SVOP: variants seen among roughly 807,000 people sequenced by gnomAD.
SVOP encodes the protein SV2 related protein, also known as synaptic vesicle 2-related protein.
A neutral mutation model predicts 69.1 loss-of-function variants in SVOP; 17 were observed. That is an observed-to-expected ratio of 0.25 (90% confidence interval 0.17 to 0.37). The LOEUF (loss-of-function observed/expected upper bound fraction) is 0.37, where lower values mean the gene tolerates loss of function less well. Ranked by LOEUF, SVOP falls within the 10% of genes least tolerant of loss-of-function variation. The pLI, the probability that SVOP is intolerant of heterozygous loss-of-function variation, is 1.00. For synonymous variants in SVOP, 238 were observed against 238.6 expected (o/e 1.00, Z 0.02); for missense variants, 435 against 597.5 (o/e 0.73, Z 2.84).
intron 1 of SVOP, among the ~76,000 whole-genome samples, chr12:108,993,051 G>C (rs912981347): frequency 6.6e-6 from 1 of 151,832 alleles, no homozygotes; most frequent in Non-Finnish European, 1.5e-5. Context: ...TTATTTTTTT[G>C]AGACGGAGTC....
chr12:108,980,954 T>G (rs1211517155), intron 2 of SVOP, among the ~76,000 whole-genome samples: 1 of 152,140 alleles, frequency 6.6e-6, no homozygotes, highest in Non-Finnish European at 1.5e-5. Flanking sequence ...AGGAGGATGC[T>G]GGGTGGCCCC....
chr12:108,982,656 T>C (rs955125703), intron 2 of SVOP, among the ~76,000 whole-genome samples: 5 of 150,320 alleles, frequency 3.3e-5, no homozygotes, highest in Non-Finnish European at 7.4e-5. Context: ...ATCACCATCA[T>C]CATGATCACC....
Position 108,925,619 on chromosome 12 carries a change from T to C in SVOP, c.1049-2822A>G, listed in dbSNP as rs138944514. Among the ~76,000 whole-genome samples the C allele has an allele frequency of 9.8e-5, 15 of 152,340 alleles. No individual in the cohort carries two copies. In the East Asian group the frequency reaches 2.9e-3, roughly 29 times the overall value. ...AGTCCTTCAAAAATCTTTAAGGCCC[T>C]ATATTATCTGGCACTTAACACATCC... On this transcript the variant is annotated intron_variant, in intron 11 of 15. Coordinates refer to ENST00000610966, the MANE Select transcript of SVOP (RefSeq NM_018711.5).
intron 2 of SVOP, among the ~76,000 whole-genome samples, chr12:108,982,321 C>CATCA (rs1256135445): frequency 6.6e-6 from 1 of 151,474 alleles, no homozygotes; most frequent in Non-Finnish European, 1.5e-5. Context: ...TTTTCATCAT[C>CATCA]ATCACCATCA....
chr12:108,980,249 G>T (rs2040128435), intron 2 of SVOP, among the ~76,000 whole-genome samples: 1 of 152,146 alleles, frequency 6.6e-6, no homozygotes, highest in Admixed American at 6.5e-5. Flanking sequence ...ATGCTGGATT[G>T]TATCTGGGAA....
At position 108,912,087 on chromosome 12, in the gene SVOP, C is replaced by T; in HGVS notation, c.*448G>A. 1 of 796,378 alleles carries T rather than the reference C, an allele frequency of 1.3e-6. No homozygotes were observed. The highest frequency in any genetic ancestry group is 1.5e-6 in the Non-Finnish European group (1 of 652,922). 49.3% of individuals were successfully genotyped at this position (796,378 alleles called of 1,614,324 possible). ...TCGCCTGCAATTTCAAAGAAGAAAG[C>T]CTGGGGCTGTGAGTGTGGGAGAAAC... On this transcript the variant is annotated 3_prime_UTR_variant, in exon 16 of 16. Coordinates refer to ENST00000610966, the MANE Select transcript of SVOP (RefSeq NM_018711.5).
chr12:108,999,074 G>A (rs1452934924), intron 1 of SVOP, among the ~76,000 whole-genome samples: 3 of 130,478 alleles, frequency 2.3e-5, no homozygotes, highest in Non-Finnish European at 4.9e-5. Flanking sequence ...CCCATCTCAC[G>A]TGCAGAGACA....
intron 6 of SVOP, among the ~76,000 whole-genome samples, chr12:108,960,632 G>A (rs1281300428): frequency 6.6e-6 from 1 of 152,098 alleles, no homozygotes; most frequent in Non-Finnish European, 1.5e-5. Flanking sequence ...CACACCTCTT[G>A]GGCTGCTGCA....
chr12:108,916,839 G>T (rs74392795), intron 14 of SVOP, among the ~76,000 whole-genome samples: 9,242 of 152,248 alleles, frequency 0.061, 524 homozygotes, highest in African/African-American at 0.15. Flanking sequence ...ACCTCCCCGG[G>T]TTCAAGTGAT....
intron 1 of SVOP, among the ~76,000 whole-genome samples, chr12:109,010,153 A>G (rs994275499): frequency 6.6e-6 from 1 of 150,770 alleles, no homozygotes; most frequent in Non-Finnish European, 1.5e-5. Flanking sequence ...ATTTTTTTTT[A>G]ATTAAATAAA....
chr12:109,005,637 G>A (rs2040302744), intron 1 of SVOP, among the ~76,000 whole-genome samples: 1 of 152,150 alleles, frequency 6.6e-6, no homozygotes, highest in Non-Finnish European at 1.5e-5. Context: ...GACAGCAGTG[G>A]TACCCAAGGA....
At position 108,938,858 on chromosome 12, in the gene SVOP, A is replaced by T; in HGVS notation, c.866T>A (p.Met289Lys). 6.2e-7 allele frequency: 1 copy of T among 1,613,972 alleles called. No individual in the cohort carries two copies. The highest frequency in any genetic ancestry group is 8.5e-7 in the Non-Finnish European group (1 of 1,179,876). The part of the protein sequence containing the change: ...KRIATENGAP[M>K]PLGKLIISRQ... Reference sequence around the variant, plus strand: ...GGAGATGATGAGTTTCCCCAGCGGCATGGGAGCTCCGTTTTCAGTTGCTAT... The same window carrying T: ...GGAGATGATGAGTTTCCCCAGCGGCTTGGGAGCTCCGTTTTCAGTTGCTAT... Residue 289 changes from methionine to lysine, a missense_variant, in exon 9 of 16, where the codon ATG (methionine) becomes AAG (lysine). By Grantham distance (95) the Met-to-Lys change is moderately conservative. Coordinates refer to ENST00000610966, the MANE Select transcript of SVOP (RefSeq NM_018711.5).
At chr12:108,945,403 T>C (rs371522553) in intron 6 of SVOP, among the ~76,000 whole-genome samples, 2 of 151,264 alleles carry the variant, frequency 1.3e-5, no homozygotes, top group Non-Finnish European at 2.9e-5. Context: ...TATTTTATTG[T>C]ATTTATTTAT....
intron 3 of SVOP, among the ~76,000 whole-genome samples, chr12:108,978,087 G>C (rs541126439): frequency 6.6e-6 from 1 of 152,134 alleles, no homozygotes; most frequent in African/African-American, 2.4e-5. Flanking sequence ...GGGGGGAAAT[G>C]TTGTGGGGAA....
chr12:108,995,093 C>T (rs932468532), intron 1 of SVOP, among the ~76,000 whole-genome samples: 2 of 151,542 alleles, frequency 1.3e-5, no homozygotes, highest in Admixed American at 1.3e-4. Context: ...TGCAGTGAGC[C>T]ACAATCACAC....
intron 5 of SVOP, among the ~76,000 whole-genome samples, chr12:108,964,130 G>A (rs1157863746): frequency 6.6e-6 from 1 of 152,090 alleles, no homozygotes; most frequent in Non-Finnish European, 1.5e-5. Flanking sequence ...CGAGGCAAAA[G>A]GATCACTTGA....
intron 1 of SVOP, among the ~76,000 whole-genome samples, chr12:109,017,873 A>T (rs1379331991): frequency 6.6e-6 from 1 of 151,936 alleles, no homozygotes; most frequent in Non-Finnish European, 1.5e-5. Context: ...TTATATATAC[A>T]TTTTATATTC....
At chr12:108,967,097 T>C (rs1436600631) in intron 5 of SVOP, among the ~76,000 whole-genome samples, 1 of 152,180 alleles carries the variant, frequency 6.6e-6, no homozygotes, top group East Asian at 1.9e-4. Flanking sequence ...TTGTCTTTAA[T>C]TAGAGGAGCT....
intron 11 of SVOP, among the ~76,000 whole-genome samples, chr12:108,925,641 A>G (rs2039775840): frequency 6.6e-6 from 1 of 152,164 alleles, no homozygotes; most frequent in African/African-American, 2.4e-5. Context: ...CACTTAACAC[A>G]TCCTTGACCC....
Sources: allele counts gnomAD v4.1 joint callset (sites outside exome capture counted in the v4.1 genomes callset), GRCh38; gene constraint gnomAD v4.1.1; transcripts MANE v1.5; gene names NCBI Gene and HGNC (gene_info 2026-07-23, HGNC 2026-07-21).